The following HMCN1 variants were observed in gnomAD, a reference collection of about 807,000 sequenced individuals.
HMCN1 encodes hemicentin 1.
HMCN1 carries 321 observed loss-of-function variants against 625.9 expected under a neutral mutation model. The ratio of observed to expected loss-of-function variants is 0.51; its 90% confidence interval spans 0.47 to 0.56. The LOEUF (loss-of-function observed/expected upper bound fraction) is 0.56, where lower values mean the gene tolerates loss of function less well. HMCN1 is among the 20% of genes least tolerant of loss of function. The pLI, the probability that HMCN1 is intolerant of heterozygous loss-of-function variation, is 0.00. For synonymous variants in HMCN1, 2,425 were observed against 2,417.6 expected, an observed-to-expected ratio of 1.00 and a Z score of -0.09; for missense variants, 6,588 against 6,887.3, an observed-to-expected ratio of 0.96 and a Z score of 1.54.
intron 53 of HMCN1, among the ~76,000 whole-genome samples, chr1:186,075,769 T>C (rs970274956): frequency 6.6e-6 from 1 of 152,196 alleles, no homozygotes; most frequent in African/African-American, 2.4e-5. Flanking sequence ...TCACCACTCA[T>C]AAATAATGCT....
At chr1:186,187,341 T>G (rs997916305) in intron 105 of HMCN1, among the ~76,000 whole-genome samples, 1 of 152,100 alleles carries the variant, frequency 6.6e-6, no homozygotes, top group Non-Finnish European at 1.5e-5. Context: ...TTTGTTTGTC[T>G]CTCTCAAGAT....
intron 25 of HMCN1, 68 bp downstream of exon 25, chr1:185,997,592 C>A (rs1485434998): frequency 2.8e-6 from 3 of 1,067,240 alleles, no homozygotes; most frequent in East Asian, 4.8e-5. Context: ...ATATTGAACC[C>A]AAATTGTCAT....
intron 105 of HMCN1, 62 bp downstream of exon 105, chr1:186,182,349 G>A: frequency 1.2e-6 from 2 of 1,602,732 alleles, no homozygotes; most frequent in African/African-American, 1.3e-5. Context: ...GAGAGTGTGA[G>A]AAGTTTTTTT....
intron 93 of HMCN1, among the ~76,000 whole-genome samples, chr1:186,148,509 T>C (rs549878399): frequency 6.6e-6 from 1 of 152,240 alleles, no homozygotes; most frequent in Non-Finnish European, 1.5e-5. Context: ...AAAATATTTC[T>C]TTCTGTTTTT....
chr1:186,110,977 C>CTTTTTCTTTTTCTTTTTTT lies in HMCN1; in HGVS notation c.10990-1830_10990-1829insCTTTTTCTTTTTTTTTTTT, dbSNP rs1660848196. On this transcript the variant is annotated intron_variant, in intron 71 of 106. Coordinates refer to ENST00000271588, the MANE Select transcript of HMCN1 (RefSeq NM_031935.3). ...TACGGAAGAAAAACCAGAGAAAATT[C>CTTTTTCTTTTTCTTTTTTT]TTTTTTTTTTTTTTTTTTTTTGAGA... Among the ~76,000 whole-genome samples, 18 of 61,648 alleles carry CTTTTTCTTTTTCTTTTTTT rather than the reference C, an allele frequency of 2.9e-4. 2 individuals are homozygous for CTTTTTCTTTTTCTTTTTTT. Among genetic ancestry groups the CTTTTTCTTTTTCTTTTTTT allele is most frequent in the African/African-American group, 1.7e-3 (17 of 10,180 alleles). 40.4% of individuals were successfully genotyped at this position (61,648 alleles called of 152,430 possible).
intron 4 of HMCN1, among the ~76,000 whole-genome samples, chr1:185,901,367 T>C (rs770645836): frequency 6.6e-6 from 1 of 151,782 alleles, no homozygotes; most frequent in Non-Finnish European, 1.5e-5. Context: ...CAGTTGGAAC[T>C]GAAGTTTCTT....
chr1:185,818,766 T>C (rs952885749), intron 1 of HMCN1, among the ~76,000 whole-genome samples: 1 of 152,208 alleles, frequency 6.6e-6, no homozygotes, highest in African/African-American at 2.4e-5. Context: ...CACCATTCTG[T>C]ACCTTCAAAA....
chr1:185,743,872 T>G (rs1654165191), intron 1 of HMCN1, among the ~76,000 whole-genome samples: 1 of 152,028 alleles, frequency 6.6e-6, no homozygotes, highest in Non-Finnish European at 1.5e-5. Context: ...CTATAAACAT[T>G]GAATAGATAG....
intron 35 of HMCN1, among the ~76,000 whole-genome samples, chr1:186,021,955 G>C (rs1003945497): frequency 3.3e-5 from 5 of 152,022 alleles, no homozygotes; most frequent in Non-Finnish European, 5.9e-5. Flanking sequence ...ACATATAGTG[G>C]CATAATTAAT....
chr1:185,858,088 C>G (rs537029509), intron 2 of HMCN1, among the ~76,000 whole-genome samples: 1 of 151,980 alleles, frequency 6.6e-6, no homozygotes, highest in African/African-American at 2.4e-5. Flanking sequence ...GTTGTGTGAC[C>G]CTGAGAAAGG....
At chr1:185,879,247 T>C (rs543616357) in intron 4 of HMCN1, among the ~76,000 whole-genome samples, 2 of 152,336 alleles carry the variant, frequency 1.3e-5, no homozygotes, top group African/African-American at 4.8e-5. Context: ...CACTGCTCAC[T>C]GCAGCCTCGA....
At chr1:185,774,038 A>G (rs562284281) in intron 1 of HMCN1, among the ~76,000 whole-genome samples, 3 of 152,310 alleles carry the variant, frequency 2.0e-5, no homozygotes, top group Admixed American at 2.0e-4. Context: ...TGATACAGAC[A>G]ACTTGCTGTC....
rs754134723 is a variant in HMCN1 at position 186,123,042 on chromosome 1, G to A, written c.12321G>A (p.Pro4107=). ...TLSCEADGLP[P]PDITWHKDGR... ...CCTGTGAAGCAGATGGCCTCCCTCCGCCTGACATTACATGGCATAAAGATG... is the reference window on the plus strand; with the variant it reads ...CCTGTGAAGCAGATGGCCTCCCTCCACCTGACATTACATGGCATAAAGATG... Residue 4107 remains proline, a synonymous_variant, in exon 81 of 107, where the codon CCG becomes CCA. Transcript: ENST00000271588. 13 of 1,614,014 alleles carry A rather than the reference G, an allele frequency of 8.1e-6. No homozygotes were observed. The highest frequency in any genetic ancestry group is 3.3e-5 in the South Asian group (3 of 91,080).
chr1:185,887,528 A>G (rs1036292039), intron 4 of HMCN1, among the ~76,000 whole-genome samples: 35 of 150,992 alleles, frequency 2.3e-4, no homozygotes, highest in Admixed American at 4.6e-4. Context: ...TCATTGTTCA[A>G]TTCCCACCTG....
intron 1 of HMCN1, among the ~76,000 whole-genome samples, chr1:185,742,602 A>G (rs1654063674): frequency 6.6e-6 from 1 of 152,228 alleles, no homozygotes; most frequent in African/African-American, 2.4e-5. Flanking sequence ...CAATATGTAT[A>G]GGAAAAAGAG....
At chr1:186,122,921 T>C (rs1661463668) in intron 80 of HMCN1, 30 bp from the exon 81 acceptor site, 1 of 1,609,190 alleles carries the variant, frequency 6.2e-7, no homozygotes, top group Non-Finnish European at 8.5e-7. Context: ...TAAGATAAAG[T>C]TTGAACTTTA....
At chr1:185,901,106 C>T (rs1665779058) in intron 4 of HMCN1, among the ~76,000 whole-genome samples, 3 of 151,912 alleles carry the variant, frequency 2.0e-5, no homozygotes, top group Admixed American at 2.0e-4. Flanking sequence ...TATATTATTT[C>T]TAAACCCAAT....
chr1:186,186,992 T>TGTCACACACA (rs1653353745), intron 105 of HMCN1, among the ~76,000 whole-genome samples: 1 of 95,432 alleles, frequency 1.0e-5, no homozygotes, highest in Non-Finnish European at 2.1e-5. Context: ...TCTGTCTCTG[T>TGTCACACACA]CTCACACACA....
At chr1:185,993,587 G>A (rs1652585653) in intron 23 of HMCN1, 1 of 365,894 alleles carries the variant, frequency 2.7e-6, no homozygotes, top group African/African-American at 2.1e-5. Context: ...TGCTATTATT[G>A]TTGATATACA....
Sources: allele counts gnomAD v4.1 joint callset (sites outside exome capture counted in the v4.1 genomes callset), GRCh38; gene constraint gnomAD v4.1.1; transcripts MANE v1.5; gene names NCBI Gene and HGNC (gene_info 2026-07-23, HGNC 2026-07-21).